PLEKHA5: variants seen among roughly 807,000 people sequenced by gnomAD.
PLEKHA5 encodes the protein pleckstrin homology domain-containing family A member 5.
In PLEKHA5, 55 loss-of-function variants were observed where a neutral mutation model predicts 181.9. That is an observed-to-expected ratio of 0.30 (90% CI 0.24 to 0.38). The LOEUF (loss-of-function observed/expected upper bound fraction) is 0.38, where lower values mean the gene tolerates loss of function less well. PLEKHA5 is among the 10% of genes least tolerant of loss of function. The pLI is 1.00. For synonymous variants in PLEKHA5, 535 were observed against 529.4 expected (o/e 1.01, Z -0.15); for missense variants, 1,432 against 1,549.5 (o/e 0.92, Z 1.27).
At chr12:19,155,144 G>A (rs180713394) in intron 3 of PLEKHA5, among the ~76,000 whole-genome samples, 34 of 152,292 alleles carry the variant, frequency 2.2e-4, no homozygotes, top group African/African-American at 6.7e-4. Flanking sequence ...TTCAAAAAAC[G>A]TACATAGGAA....
intron 3 of PLEKHA5, among the ~76,000 whole-genome samples, chr12:19,182,964 C>T (rs957526724): frequency 6.6e-6 from 1 of 152,132 alleles, no homozygotes; most frequent in Non-Finnish European, 1.5e-5. Context: ...GTTGTCATTT[C>T]GTCACAGATG....
chr12:19,196,371 C>A (rs566901103), intron 3 of PLEKHA5, among the ~76,000 whole-genome samples: 2 of 152,142 alleles, frequency 1.3e-5, no homozygotes, highest in East Asian at 1.9e-4. Context: ...AAATTTGAAC[C>A]ACAAACTGTC....
intron 10 of PLEKHA5, among the ~76,000 whole-genome samples, chr12:19,273,263 A>G (rs1339076561): frequency 6.6e-6 from 1 of 152,100 alleles, no homozygotes; most frequent in Non-Finnish European, 1.5e-5. Flanking sequence ...AAATTTTCCC[A>G]ATGTCTAATG....
At chr12:19,147,031 G>A (rs1283008046) in intron 3 of PLEKHA5, 2 of 152,058 alleles carry the variant, frequency 1.3e-5, no homozygotes, top group African/African-American at 4.8e-5. Context: ...AAAGTACGTG[G>A]GTATATGTTT....
intron 3 of PLEKHA5, among the ~76,000 whole-genome samples, chr12:19,251,264 G>A (rs937726816): frequency 2.0e-5 from 3 of 151,934 alleles, no homozygotes; most frequent in Non-Finnish European, 4.4e-5. Flanking sequence ...AAATTAGCCA[G>A]GCATGGTGAC....
At chr12:19,261,724 G>A (rs372581453) in intron 7 of PLEKHA5, among the ~76,000 whole-genome samples, 1 of 152,194 alleles carries the variant, frequency 6.6e-6, no homozygotes, top group South Asian at 2.1e-4. Context: ...GAAAGAATTA[G>A]ATTGTCAAGC....
chr12:19,163,333 C>T (rs10841161), intron 3 of PLEKHA5, among the ~76,000 whole-genome samples: 2,724 of 152,180 alleles, frequency 0.018, 31 homozygotes, highest in Non-Finnish European at 0.027. Context: ...CCAGCCACAA[C>T]GCCTGGCTTA....
chr12:19,159,002 C>T (rs1187410923), intron 3 of PLEKHA5, among the ~76,000 whole-genome samples: 1 of 152,130 alleles, frequency 6.6e-6, no homozygotes, highest in Non-Finnish European at 1.5e-5. Context: ...TGTTATGCAA[C>T]TTGGAACATA....
chr12:19,281,853 C>T (rs1592310769), intron 11 of PLEKHA5, among the ~76,000 whole-genome samples: 1 of 151,954 alleles, frequency 6.6e-6, no homozygotes, highest in East Asian at 1.9e-4. Context: ...GCGATCTTGT[C>T]TCGCTGCAAG....
Position 19,175,199 on chromosome 12 carries a change from G to A in PLEKHA5, c.227+42749G>A, listed in dbSNP as rs187354008. ...AACTCTCTTTTACTACTGATCGAGT[G>A]TAAACTGTGAAAATAGTCAAATATA... On this transcript the variant is annotated intron_variant, in intron 3 of 31. Transcript: ENST00000429027. Among the ~76,000 whole-genome samples the A allele has an allele frequency of 2.0e-3, 311 of 152,276 alleles. 3 individuals carry two copies. Among genetic ancestry groups the A allele is most frequent in the Middle Eastern group, 0.01 (3 of 294 alleles).
intron 21 of PLEKHA5, among the ~76,000 whole-genome samples, chr12:19,342,134 G>GA: frequency 6.6e-6 from 1 of 152,120 alleles, no homozygotes; most frequent in Admixed American, 6.6e-5. Context: ...CTCAGCCAAA[G>GA]AAAGTATTGT....
chr12:19,290,933 T>G, intron 14 of PLEKHA5, 137 bp downstream of exon 14: 1 of 730,364 alleles, frequency 1.4e-6, no homozygotes, highest in Non-Finnish European at 2.0e-6. Flanking sequence ...TAGAATCTCC[T>G]ATTAACCCTT....
intron 15 of PLEKHA5, among the ~76,000 whole-genome samples, chr12:19,302,903 GA>G (rs200644353): frequency 0.015 from 1,611 of 106,316 alleles, 48 homozygotes; most frequent in East Asian, 0.04. Context: ...TGTTCTGTAT[GA>G]AATTTTTTTT....
At chr12:19,262,767 T>G (rs969474839) in intron 7 of PLEKHA5, among the ~76,000 whole-genome samples, 6 of 152,182 alleles carry the variant, frequency 3.9e-5, no homozygotes, top group Admixed American at 1.3e-4. Flanking sequence ...TAGTACCAAC[T>G]GGGTACTGTG....
intron 10 of PLEKHA5, among the ~76,000 whole-genome samples, chr12:19,271,728 G>A (rs1182498143): frequency 1.3e-5 from 2 of 152,060 alleles, no homozygotes; most frequent in African/African-American, 2.4e-5. Context: ...GATAAAGATG[G>A]CAATTATTTG....
chr12:19,148,728 T>A (rs2039585784), intron 3 of PLEKHA5, among the ~76,000 whole-genome samples: 1 of 152,226 alleles, frequency 6.6e-6, no homozygotes, highest in Admixed American at 6.5e-5. Context: ...TTTTGAGAAT[T>A]TGGAAAAGTA....
At chr12:19,246,802 A>C (rs2063869997) in intron 3 of PLEKHA5, among the ~76,000 whole-genome samples, 1 of 152,092 alleles carries the variant, frequency 6.6e-6, no homozygotes, top group African/African-American at 2.4e-5. Context: ...CTTAATACCA[A>C]ATTTCTTTTG....
intron 21 of PLEKHA5, among the ~76,000 whole-genome samples, chr12:19,341,434 G>T (rs2093918024): frequency 6.6e-6 from 1 of 152,048 alleles, no homozygotes; most frequent in Admixed American, 6.6e-5. Context: ...AGTAATACAT[G>T]TTGTATATAG....
chr12:19,306,601 CAGTAGCGGAGGT>C, intron 15 of PLEKHA5: 1 of 884,778 alleles, frequency 1.1e-6, no homozygotes, highest in Non-Finnish European at 1.9e-6. Context: ...GCGGCGGGCC[CAGTAGCGGAGGT>C]GGTGGCGGCG....
Sources: allele counts gnomAD v4.1 joint callset (sites outside exome capture counted in the v4.1 genomes callset), GRCh38; gene constraint gnomAD v4.1.1; transcripts MANE v1.5; gene names NCBI Gene and HGNC (gene_info 2026-07-23, HGNC 2026-07-21).